ABCC1: variants seen among roughly 807,000 people sequenced by gnomAD.
ABCC1 encodes ATP binding cassette subfamily C member 1 (ABCC1 blood group), also known as multidrug resistance-associated protein 1.
A neutral mutation model predicts 172.9 loss-of-function variants in ABCC1; 83 were observed. That is an observed-to-expected ratio of 0.48 (90% CI 0.40 to 0.58). The LOEUF (loss-of-function observed/expected upper bound fraction) is 0.58, where lower values mean the gene tolerates loss of function less well. Among genes scored for constraint, ABCC1 ranks in the 20% least tolerant of loss-of-function variants. ABCC1 has a pLI of 0.00. For synonymous variants in ABCC1, 937 were observed against 825.2 expected, an observed-to-expected ratio of 1.14 and a Z score of -2.32; for missense variants, 1,817 against 2,002.7, an observed-to-expected ratio of 0.91 and a Z score of 1.77.
At position 16,083,669 on chromosome 16, in the gene ABCC1, T is replaced by C. The variant is rs1460693472; in HGVS notation, c.2292+127T>C. The C allele has an allele frequency of 2.4e-6, 3 of 1,229,986 alleles. No individual in the cohort carries two copies. In the East Asian group the frequency reaches 7.1e-5, roughly 29 times the overall value. The allele number at this position is 1,229,986 out of a possible 1,614,324, so 76.2% of individuals were successfully genotyped here. A position where few individuals can be genotyped will look rare whatever the true frequency, so the allele number is the denominator to read the frequency against. On this transcript the variant is annotated intron_variant, in intron 17 of 30. Coordinates refer to ENST00000399410, the MANE Select transcript of ABCC1 (RefSeq NM_004996.4). ...ACCCGGCAGGGCTCAGCTGGGCGGC[T>C]CTGCTGCACGCTGCAGGCCAGCTGA...
chr16:15,968,513 A>G (rs1003646485), intron 1 of ABCC1, among the ~76,000 whole-genome samples: 2 of 151,578 alleles, frequency 1.3e-5, no homozygotes, highest in East Asian at 1.9e-4. Flanking sequence ...AGTAGCTAGG[A>G]CTGCAGGCAT....
Position 16,114,781 on chromosome 16 carries a change from G to A in ABCC1, c.3095G>A (p.Gly1032Asp). ...GTGTCTGCAGGGATCGCCGTGTTTG[G>A]CTACTCCATGGCCGTGTCCATCGGG... is the stretch of plus-strand genomic sequence containing the variant. ...LGISQGIAVF[G>D]YSMAVSIGGI... The change falls in exon 23 of 31, where the codon GGC becomes GAC. Residue 1032 changes from glycine (G) to aspartate (D), a missense_variant. Transcript: ENST00000399410. 6.3e-7 allele frequency: 1 copy of A among 1,597,270 alleles called. No individual in the cohort carries two copies. Among genetic ancestry groups the A allele is most frequent in the South Asian group, 1.1e-5 (1 of 90,702 alleles).
chr16:16,121,309 G>T (rs572527533), intron 23 of ABCC1, among the ~76,000 whole-genome samples: 64 of 152,288 alleles, frequency 4.2e-4, no homozygotes, highest in Middle Eastern at 3.4e-3. Context: ...CCTGAAGTGC[G>T]GGTATTACAA....
intron 1 of ABCC1, among the ~76,000 whole-genome samples, chr16:15,992,799 C>T (rs924277397): frequency 1.3e-5 from 2 of 152,218 alleles, no homozygotes; most frequent in Admixed American, 6.5e-5. Flanking sequence ...AATCCATGCT[C>T]TGTACCATGC....
At position 16,141,437 on chromosome 16, in the gene ABCC1, G is replaced by A. The variant is rs1458094132; in HGVS notation, c.*156G>A. 6.1e-6 allele frequency: 4 copies of A among 651,596 alleles called. No individual in the cohort carries two copies. Among genetic ancestry groups the A allele is most frequent in the South Asian group, 1.9e-5 (1 of 52,126 alleles). 40.4% of individuals were successfully genotyped at this position (651,596 alleles called of 1,614,324 possible). A position where few individuals can be genotyped will look rare whatever the true frequency, so the allele number is the denominator to read the frequency against. Reference sequence around the variant, plus strand: ...AAACATATTCAAAGCAGCAGCCACCGCCATCCGGTCCCCTGCCTGGAACTG... The same window carrying A: ...AAACATATTCAAAGCAGCAGCCACCACCATCCGGTCCCCTGCCTGGAACTG... On this transcript the variant is annotated 3_prime_UTR_variant, in exon 31 of 31. Transcript: ENST00000399410.
intron 13 of ABCC1, among the ~76,000 whole-genome samples, chr16:16,070,666 A>C (rs866930870): frequency 1.3e-5 from 2 of 152,182 alleles, no homozygotes; most frequent in East Asian, 3.9e-4. Context: ...CTCCATCTCA[A>C]AAACGAACAA....
chr16:16,002,639 G>A (rs1472074502), intron 1 of ABCC1, among the ~76,000 whole-genome samples: 1 of 152,084 alleles, frequency 6.6e-6, no homozygotes, highest in Non-Finnish European at 1.5e-5. Context: ...GGGCATGGTG[G>A]TGTGTGCCTG....
intron 1 of ABCC1, among the ~76,000 whole-genome samples, chr16:15,964,487 C>G (rs552455367): frequency 6.6e-6 from 1 of 152,150 alleles, no homozygotes; most frequent in Non-Finnish European, 1.5e-5. Flanking sequence ...GATTCCAATT[C>G]AGATTACAAT....
In ABCC1 at chr16:15,964,427, G is replaced by C. The variant is rs143507374; in HGVS notation, c.48+14628G>C. Reference sequence around the variant, plus strand: ...ATCAGGAGAACAGCATGGGGGAACCGTCCCCATGATCTAATCACCTCCCAT... The same window carrying C: ...ATCAGGAGAACAGCATGGGGGAACCCTCCCCATGATCTAATCACCTCCCAT... On this transcript the variant is annotated intron_variant, in intron 1 of 30. Coordinates refer to ENST00000399410, the MANE Select transcript of ABCC1 (RefSeq NM_004996.4). 1.5e-3 allele frequency among the ~76,000 whole-genome samples: 224 copies of C among 152,218 alleles called. 1 individual carries two copies. The highest frequency in any genetic ancestry group is 3.7e-3 in the Admixed American group (56 of 15,294).
At chr16:16,104,137 G>T (rs190877369) in intron 20 of ABCC1, among the ~76,000 whole-genome samples, 1 of 152,168 alleles carries the variant, frequency 6.6e-6, no homozygotes, top group African/African-American at 2.4e-5. Flanking sequence ...GCTCACAAAG[G>T]CAATGTGGAC....
chr16:16,076,148 G>A (rs2151973164), intron 14 of ABCC1, 178 bp from the exon 15 acceptor site: 1 of 618,996 alleles, frequency 1.6e-6, no homozygotes, highest in Non-Finnish European at 2.8e-6. Context: ...GCTGCCTCCA[G>A]AACTGCAGGT....
At position 16,044,416 on chromosome 16, in the gene ABCC1, G is replaced by A. The variant is rs367906456; in HGVS notation, c.810-34G>A. 61 of 1,588,144 alleles carry A rather than the reference G, an allele frequency of 3.8e-5. No homozygotes were observed. The African/African-American group carries it at 6.6e-4, about 17-fold the overall frequency. On this transcript the variant is annotated intron_variant, in intron 7 of 30. Transcript: ENST00000399410. ...GTGGTAGGGGGCTGCATCTCTGGCA[G>A]ACCCCACAACGGCTTCACCTCCTTG...
At chr16:15,964,620 T>C (rs2046205859) in intron 1 of ABCC1, among the ~76,000 whole-genome samples, 1 of 152,022 alleles carries the variant, frequency 6.6e-6, no homozygotes, top group Non-Finnish European at 1.5e-5. Flanking sequence ...TAAATTTAAA[T>C]AACATTTAAA....
intron 1 of ABCC1, among the ~76,000 whole-genome samples, chr16:15,957,714 TC>T (rs1180341132): frequency 6.6e-6 from 1 of 152,038 alleles, no homozygotes; most frequent in East Asian, 1.9e-4. Flanking sequence ...TGCCTCAGCC[TC>T]CCCAGTAGCT....
At chr16:15,994,247 A>G (rs772863549) in intron 1 of ABCC1, among the ~76,000 whole-genome samples, 9 of 151,926 alleles carry the variant, frequency 5.9e-5, no homozygotes, top group Non-Finnish European at 1.3e-4. Flanking sequence ...GACCAAACAA[A>G]CCAAAAGGCC....
intron 1 of ABCC1, among the ~76,000 whole-genome samples, chr16:15,956,023 G>C (rs1369375534): frequency 6.6e-6 from 1 of 151,888 alleles, no homozygotes; most frequent in Admixed American, 6.6e-5. Context: ...CGAGGCAGGT[G>C]GATTACCTGA....
In ABCC1 at chr16:16,106,723, G is replaced by T. The variant is rs1402742749; in HGVS notation, c.2736-15G>T. ...GCATCTGTACGGTTGACACCCTTGTGCTTTGCTTCTCCAGACAGCTCAGCA... is the reference window on the plus strand; with the variant it reads ...GCATCTGTACGGTTGACACCCTTGTTCTTTGCTTCTCCAGACAGCTCAGCA... On this transcript the variant is annotated splice_polypyrimidine_tract_variant and intron_variant, in intron 20 of 30. Coordinates refer to ENST00000399410, the MANE Select transcript of ABCC1 (RefSeq NM_004996.4). The T allele has an allele frequency of 6.2e-7, 1 of 1,613,724 alleles. No individual in the cohort carries two copies. Among genetic ancestry groups the T allele is most frequent in the Non-Finnish European group, 8.5e-7 (1 of 1,180,028 alleles).
intron 1 of ABCC1, among the ~76,000 whole-genome samples, chr16:15,954,392 T>C (rs966959136): frequency 1.3e-5 from 2 of 151,034 alleles, no homozygotes; most frequent in African/African-American, 4.9e-5. Flanking sequence ...CCTTATGGAG[T>C]GTTAGAGTGG....
Position 16,083,691 on chromosome 16 carries a change from C to T in ABCC1, c.2292+149C>T, listed in dbSNP as rs2050895736. The T allele has an allele frequency of 2.9e-6, 3 of 1,023,652 alleles. No homozygotes were observed. In the African/African-American group the frequency reaches 4.9e-5, roughly 17 times the overall value. 63.4% of individuals were successfully genotyped at this position (1,023,652 alleles called of 1,614,324 possible). On this transcript the variant is annotated intron_variant, in intron 17 of 30. Coordinates refer to ENST00000399410, the MANE Select transcript of ABCC1 (RefSeq NM_004996.4). Reference sequence around the variant, plus strand: ...GGCTCTGCTGCACGCTGCAGGCCAGCTGAACTTGGGTCCAGGCTGTGGGTG... The same window carrying T: ...GGCTCTGCTGCACGCTGCAGGCCAGTTGAACTTGGGTCCAGGCTGTGGGTG...
Sources: allele counts gnomAD v4.1 joint callset (sites outside exome capture counted in the v4.1 genomes callset), GRCh38; gene constraint gnomAD v4.1.1; transcripts MANE v1.5; gene names NCBI Gene and HGNC (gene_info 2026-07-23, HGNC 2026-07-21).